The following KLHL13 variants were observed in gnomAD, a reference collection of about 807,000 sequenced individuals.
The protein encoded by KLHL13 is kelch like family member 13, also known as kelch-like protein 13.
In KLHL13, 10 loss-of-function variants were observed where a neutral mutation model predicts 37.1. The observed-to-expected ratio is 0.27, with a 90% CI of 0.17 to 0.46. The LOEUF (loss-of-function observed/expected upper bound fraction) is 0.46, where lower values mean the gene tolerates loss of function less well. Among genes scored for constraint, KLHL13 ranks in the 20% least tolerant of loss-of-function variants. The pLI, the probability that KLHL13 is intolerant of heterozygous loss-of-function variation, is 1.00. For missense variants in KLHL13, 360 were observed against 509.3 expected, an observed-to-expected ratio of 0.71 and a Z score of 2.82; for synonymous variants, 163 against 181.2, an observed-to-expected ratio of 0.90 and a Z score of 0.81.
intron 1 of KLHL13, among the ~76,000 whole-genome samples, chrX:118,018,208 G>A (rs11260126): frequency 0.054 from 5,913 of 110,496 alleles, 362 homozygotes; most frequent in African/African-American, 0.18. Context: ...ACTGACCTCC[G>A]CTCACTCTTA....
intron 1 of KLHL13, among the ~76,000 whole-genome samples, chrX:117,969,174 T>C (rs1457835251): frequency 9.0e-6 from 1 of 111,462 alleles, no homozygotes; most frequent in Non-Finnish European, 1.9e-5. Flanking sequence ...TTCACTGTTA[T>C]ATTTCACTGG....
rs767804027 is a variant in KLHL13, at chrX:118,115,948, TAAAC to T, written c.-56+556_-56+559del. Among the ~76,000 whole-genome samples, 104 of 112,098 alleles carry T rather than the reference TAAAC, an allele frequency of 9.3e-4. 1 individual carries two copies. The highest frequency in any genetic ancestry group is 8.8e-3 in the Admixed American group (93 of 10,581). On this transcript the variant is annotated intron_variant, in intron 1 of 6. Transcript: ENST00000371882. ...AAGAAAATCATTAGTCAACTGTAATTAAACAAACAAACAAACAAAAAAGTCAAAA... is the reference window on the plus strand; with the variant it reads ...AAGAAAATCATTAGTCAACTGTAATTAAACAAACAAACAAAAAAGTCAAAA...
chrX:118,013,167 AAAAT>A (rs1314210402), intron 1 of KLHL13, among the ~76,000 whole-genome samples: 1 of 112,252 alleles, frequency 8.9e-6, no homozygotes, highest in Non-Finnish European at 1.9e-5. Context: ...AAGGGGATAG[AAAAT>A]AAATAAAGAA....
intron 1 of KLHL13, among the ~76,000 whole-genome samples, chrX:118,000,619 A>C (rs2053910482): frequency 9.0e-6 from 1 of 111,448 alleles, no homozygotes; most frequent in African/African-American, 3.3e-5. Context: ...ACATTTTAAA[A>C]GGCAACCCCT....
intron 1 of KLHL13, among the ~76,000 whole-genome samples, chrX:118,005,582 G>A (rs1781571185): frequency 9.0e-6 from 1 of 111,601 alleles, no homozygotes; most frequent in African/African-American, 3.3e-5. Flanking sequence ...GAAGAGGAAA[G>A]CAGCAGAGGT....
intron 1 of KLHL13, among the ~76,000 whole-genome samples, chrX:118,024,981 TATC>T (rs1196317468): frequency 1.8e-5 from 2 of 112,267 alleles, no homozygotes; most frequent in African/African-American, 6.5e-5. Flanking sequence ...CTTAAATGAC[TATC>T]AACAGGAAAA....
In KLHL13 at chrX:118,010,742, T is replaced by TA. The variant is rs201439037; in HGVS notation, c.-55-65168dup. ...GTACCCTAAAACTTAAAATATAATT[T>TA]AAAAAAAAAAAGAGTCAATGCTAGG... On this transcript the variant is annotated intron_variant, in intron 1 of 6. Transcript: ENST00000371882. 1.6e-3 allele frequency among the ~76,000 whole-genome samples: 164 copies of TA among 101,657 alleles called. 2 individuals are homozygous for TA. Among genetic ancestry groups the TA allele is most frequent in the African/African-American group, 5.2e-3 (146 of 28,053 alleles). 88.3% of individuals were successfully genotyped at this position (101,657 alleles called of 115,157 possible). A position where few individuals can be genotyped will look rare whatever the true frequency, so the allele number is the denominator to read the frequency against.
intron 2 of KLHL13, among the ~76,000 whole-genome samples, chrX:117,927,195 C>T (rs1394194483): frequency 9.0e-6 from 1 of 110,813 alleles, no homozygotes; most frequent in Admixed American, 9.6e-5. Flanking sequence ...CTACCGCGCC[C>T]GGCCACTTCT....
chrX:117,961,669 C>T (rs141636337), intron 1 of KLHL13, among the ~76,000 whole-genome samples: 5,902 of 111,126 alleles, frequency 0.053, 396 homozygotes, highest in African/African-American at 0.18. Flanking sequence ...ATTCAACCTG[C>T]TGTCGCTGGC....
At chrX:118,021,387 C>G (rs1355338310) in intron 1 of KLHL13, among the ~76,000 whole-genome samples, 1 of 106,989 alleles carries the variant, frequency 9.3e-6, no homozygotes, top group Admixed American at 1.0e-4. Flanking sequence ...TATCCCTCCC[C>G]CCTACCCTTA....
Position 117,957,264 on chromosome X carries a change from T to G in KLHL13, c.99-11689A>C, listed in dbSNP as rs1181458217. On this transcript the variant is annotated intron_variant, in intron 1 of 6. Coordinates refer to ENST00000262820, the Ensembl canonical transcript of KLHL13. The stretch of plus-strand genomic sequence containing the variant: ...TACATAATGGTCTTTATACATACTG[T>G]GATTGTATTTATAGCTCAGAAAAGC... Among the ~76,000 whole-genome samples, 10 of 111,845 alleles carry G rather than the reference T, an allele frequency of 8.9e-5. No homozygotes were observed. The Admixed American group carries it at 9.6e-4, about 11-fold the overall frequency.
At chrX:118,083,938 G>T (rs2055025851) in intron 1 of KLHL13, among the ~76,000 whole-genome samples, 1 of 111,212 alleles carries the variant, frequency 9.0e-6, no homozygotes, top group South Asian at 3.7e-4. Context: ...GAAAAACAAT[G>T]TTATAAAAAT....
chrX:117,899,591 A>G (rs190411735), intron 6 of KLHL13, among the ~76,000 whole-genome samples, 196 bp from the exon 8 acceptor site: 1 of 112,394 alleles, frequency 8.9e-6, no homozygotes, highest in East Asian at 2.8e-4. Flanking sequence ...ATCTTCTTAA[A>G]GAACAAAACA....
chrX:118,028,476 C>T lies in KLHL13; in HGVS notation c.-55-82901G>A. 7 of 1,106,623 alleles carry T rather than the reference C, an allele frequency of 6.3e-6. No individual in the cohort carries two copies. The highest frequency in any genetic ancestry group is 8.4e-6 in the Non-Finnish European group (7 of 828,574). 91.2% of individuals were successfully genotyped at this position (1,106,623 alleles called of 1,213,427 possible). ...TCCCCTCTATGCAGATGATCCATCA[C>T]CTCTAAAAGTTGGATAATGACCTGT... is the stretch of plus-strand genomic sequence containing the variant. On this transcript the variant is annotated intron_variant, in intron 1 of 6. In the 5' UTR this introduces an upstream ATG that the reference lacks. Coordinates refer to the KLHL13 transcript ENST00000371882.
intron 2 of KLHL13, among the ~76,000 whole-genome samples, chrX:117,936,646 T>C (rs977441343): frequency 1.8e-5 from 2 of 110,582 alleles, no homozygotes; most frequent in African/African-American, 6.6e-5. Flanking sequence ...TCTGTCTAGG[T>C]GAGACTTAAA....
At chrX:118,087,513 C>A (rs2055068653) in intron 1 of KLHL13, among the ~76,000 whole-genome samples, 1 of 109,965 alleles carries the variant, frequency 9.1e-6, no homozygotes, top group Non-Finnish European at 1.9e-5. Context: ...CATAATCATC[C>A]ACATTTTTAT....
intron 1 of KLHL13, among the ~76,000 whole-genome samples, chrX:118,060,239 G>A (rs759103563): frequency 9.0e-6 from 1 of 111,729 alleles, no homozygotes; most frequent in Non-Finnish European, 1.9e-5. Context: ...GCAAAACAAA[G>A]GTTACAATAA....
At chrX:117,989,809 C>G (rs2053768339) in intron 1 of KLHL13, among the ~76,000 whole-genome samples, 1 of 111,638 alleles carries the variant, frequency 9.0e-6, no homozygotes, top group Admixed American at 9.5e-5. Flanking sequence ...GAAACTTTCC[C>G]TCACATCCCT....
chrX:118,052,544 G>A (rs2054627840), intron 1 of KLHL13, among the ~76,000 whole-genome samples: 1 of 98,108 alleles, frequency 1.0e-5, no homozygotes, highest in Non-Finnish European at 2.0e-5. Flanking sequence ...AAAAGTAGTA[G>A]AGGCCGGGCA....
Sources: allele counts gnomAD v4.1 joint callset (sites outside exome capture counted in the v4.1 genomes callset), GRCh38; gene constraint gnomAD v4.1.1; transcripts MANE v1.5; gene names NCBI Gene and HGNC (gene_info 2026-07-23, HGNC 2026-07-21).